The following PHLDB2 variants were observed in gnomAD, a reference collection of about 807,000 sequenced individuals.
PHLDB2 encodes the protein pleckstrin homology like domain family B member 2, also known as pleckstrin homology-like domain family B member 2.
PHLDB2 carries 71 observed loss-of-function variants against 123.6 expected under a neutral mutation model. The observed-to-expected ratio is 0.57, with a 90% confidence interval of 0.47 to 0.70. The LOEUF (loss-of-function observed/expected upper bound fraction) is 0.70, where lower values mean the gene tolerates loss of function less well. Ranked by LOEUF, PHLDB2 falls within the 30% of genes least tolerant of loss-of-function variation. PHLDB2 has a pLI of 0.00. For synonymous variants in PHLDB2, 547 were observed against 541.6 expected, an observed-to-expected ratio of 1.01 and a Z score of -0.14; for missense variants, 1,446 against 1,519.5, an observed-to-expected ratio of 0.95 and a Z score of 0.80.
intron 1 of PHLDB2, among the ~76,000 whole-genome samples, chr3:111,810,394 G>A (rs1325235381): frequency 1.3e-5 from 2 of 152,162 alleles, no homozygotes; most frequent in East Asian, 3.9e-4. Context: ...TCACAATTCT[G>A]GAAGCTGGAA....
chr3:111,779,976 T>C (rs992924860), intron 1 of PHLDB2: 2 of 596,588 alleles, frequency 3.4e-6, no homozygotes, highest in Non-Finnish European at 4.2e-6. Flanking sequence ...AGTCGAGGAC[T>C]CTGACATGTG....
At chr3:111,733,169 G>T (rs367778164) in intron 1 of PHLDB2, among the ~76,000 whole-genome samples, 1 of 151,852 alleles carries the variant, frequency 6.6e-6, no homozygotes, top group East Asian at 1.9e-4. Context: ...TGTCAACCTC[G>T]TATGATAGGC....
At chr3:111,963,241 A>G (rs2071532841) in intron 13 of PHLDB2, among the ~76,000 whole-genome samples, 1 of 152,154 alleles carries the variant, frequency 6.6e-6, no homozygotes, top group African/African-American at 2.4e-5. Flanking sequence ...CATTCTCCCG[A>G]TAAACCTCAC....
intron 16 of PHLDB2, 135 bp downstream of exon 16, chr3:111,970,044 G>A (rs2072062391): frequency 1.3e-6 from 1 of 745,952 alleles, no homozygotes; most frequent in South Asian, 1.8e-5. Context: ...ATTTGTAGGT[G>A]TACATTATTT....
chr3:111,954,762 G>T (rs1282219723), intron 12 of PHLDB2, among the ~76,000 whole-genome samples: 1 of 152,198 alleles, frequency 6.6e-6, no homozygotes, highest in Non-Finnish European at 1.5e-5. Flanking sequence ...ATGAATGATA[G>T]GAAGCTTGCC....
rs144755714 is a variant in PHLDB2, at chr3:111,962,019, T to G, written c.2873-89T>G. 4,367 of 1,248,188 alleles carry G rather than the reference T, an allele frequency of 3.5e-3. 12 individuals carry two copies. Among genetic ancestry groups the G allele is most frequent in the Non-Finnish European group, 4.6e-3 (4,027 of 882,274 alleles). 77.3% of individuals were successfully genotyped at this position (1,248,188 alleles called of 1,614,324 possible). A position where few individuals can be genotyped will look rare whatever the true frequency, so the allele number is the denominator to read the frequency against. On this transcript the variant is annotated intron_variant, in intron 12 of 17. Transcript: ENST00000431670. ...AAGGCCCAAGCTTCATAGGCAGATG[T>G]TTCTGGTTGCTGGCTTGTGTCTGTA...
intron 2 of PHLDB2, among the ~76,000 whole-genome samples, chr3:111,902,148 T>A (rs2107451583): frequency 1.3e-5 from 2 of 152,312 alleles, no homozygotes; most frequent in South Asian, 4.1e-4. Context: ...GGATCCTAGA[T>A]AAATGGTAAT....
At chr3:111,898,811 T>C (rs1041426717) in intron 2 of PHLDB2, among the ~76,000 whole-genome samples, 12 of 152,224 alleles carry the variant, frequency 7.9e-5, no homozygotes, top group Admixed American at 7.2e-4. Flanking sequence ...TTTCAGCAAT[T>C]CATTCACATC....
In PHLDB2 at chr3:111,905,587, C is replaced by T. The variant is rs184480693; in HGVS notation, c.1336-7732C>T. 2.0e-5 allele frequency among the ~76,000 whole-genome samples: 3 copies of T among 152,196 alleles called. No homozygotes were observed. In the East Asian group the frequency reaches 5.8e-4, roughly 29 times the overall value. Reference sequence around the variant, plus strand: ...GGCCAGGCTGGTCTCGAACTCCTGTCCCCAAGTGATCCACCGCCTTGGTCT... The same window carrying T: ...GGCCAGGCTGGTCTCGAACTCCTGTTCCCAAGTGATCCACCGCCTTGGTCT... On this transcript the variant is annotated intron_variant, in intron 2 of 17. Transcript: ENST00000431670.
chr3:111,862,909 CAT>C (rs1362773454), intron 1 of PHLDB2, among the ~76,000 whole-genome samples: 2 of 152,108 alleles, frequency 1.3e-5, no homozygotes, highest in African/African-American at 2.4e-5. Context: ...CTTTAGGACT[CAT>C]AAGGTCTCAA....
intron 2 of PHLDB2, among the ~76,000 whole-genome samples, chr3:111,896,048 T>C (rs2066845182): frequency 1.3e-5 from 2 of 152,104 alleles, no homozygotes; most frequent in South Asian, 2.1e-4. Flanking sequence ...CAGGCTGGAG[T>C]ACAGTGGCAT....
In PHLDB2 at chr3:111,956,800, C is replaced by G. The variant is rs79902641; in HGVS notation, c.2872+2771C>G. Among the ~76,000 whole-genome samples the G allele has an allele frequency of 5.3e-3, 803 of 152,204 alleles. 4 individuals carry two copies. Among genetic ancestry groups the G allele is most frequent in the African/African-American group, 0.018 (739 of 41,514 alleles). On this transcript the variant is annotated intron_variant, in intron 12 of 17. Transcript: ENST00000431670. ...CCCAAACTGGTGGTTCACAAAAAAC[C>G]CAGGAGGGATGGATCATAATTTCAT...
intron 1 of PHLDB2, among the ~76,000 whole-genome samples, chr3:111,816,428 A>C (rs2062080560): frequency 6.6e-6 from 1 of 152,244 alleles, no homozygotes; most frequent in Non-Finnish European, 1.5e-5. Context: ...TACCTCTTGC[A>C]TCAGCGTGAC....
At chr3:111,753,313 G>A (rs113142176) in intron 1 of PHLDB2, among the ~76,000 whole-genome samples, 3 of 149,700 alleles carry the variant, frequency 2.0e-5, no homozygotes, top group African/African-American at 7.4e-5. Flanking sequence ...AGCACCTGTT[G>A]TTTCCTGACT....
chr3:111,757,846 T>C (rs1380686891), intron 1 of PHLDB2, among the ~76,000 whole-genome samples: 2 of 152,226 alleles, frequency 1.3e-5, no homozygotes, highest in African/African-American at 4.8e-5. Context: ...GCAGGTCTGT[T>C]GGAGTTTGCT....
At chr3:111,824,806 C>T (rs1019181640) in intron 1 of PHLDB2, among the ~76,000 whole-genome samples, 1 of 152,292 alleles carries the variant, frequency 6.6e-6, no homozygotes, top group South Asian at 2.1e-4. Flanking sequence ...CTAACAGACG[C>T]AAACTTCGTT....
intron 8 of PHLDB2, among the ~76,000 whole-genome samples, chr3:111,944,835 G>A (rs1006631670): frequency 1.3e-5 from 2 of 151,936 alleles, no homozygotes; most frequent in African/African-American, 4.8e-5. Flanking sequence ...ACCACGCCTG[G>A]CTAATTTTTT....
At chr3:111,935,227 GC>G (rs2069404075) in intron 6 of PHLDB2, among the ~76,000 whole-genome samples, 1 of 151,006 alleles carries the variant, frequency 6.6e-6, no homozygotes. Flanking sequence ...AGCCTCCTGA[GC>G]AGCTGGGACT....
intron 13 of PHLDB2, among the ~76,000 whole-genome samples, chr3:111,962,873 G>A (rs1260273273): frequency 2.1e-5 from 3 of 144,668 alleles, no homozygotes; most frequent in African/African-American, 7.7e-5. Context: ...AGGTTACAGT[G>A]AGCCAAAACT....
Sources: gnomAD v4.1 joint callset for allele counts (sites outside exome capture counted in the v4.1 genomes callset) on GRCh38, gnomAD v4.1.1 for gene constraint, MANE v1.5 for transcripts, NCBI Gene and HGNC (gene_info 2026-07-23, HGNC 2026-07-21) for gene names.